The following EDA variants were observed in gnomAD, a reference collection of about 807,000 sequenced individuals.
EDA encodes the protein ectodysplasin A, also known as ectodysplasin-A.
EDA carries 2 observed loss-of-function variants against 23.6 expected under a neutral mutation model. The ratio of observed to expected loss-of-function variants is 0.08; its 90% CI spans 0.03 to 0.27. The LOEUF (loss-of-function observed/expected upper bound fraction) is 0.27. Ranked by LOEUF, EDA falls within the 10% of genes least tolerant of loss-of-function variation. The pLI, the probability that EDA is intolerant of heterozygous loss-of-function variation, is 1.00. For synonymous variants in EDA, 131 were observed against 132.0 expected, an observed-to-expected ratio of 0.99 and a Z score of 0.05; for missense variants, 229 against 324.2, an observed-to-expected ratio of 0.71 and a Z score of 2.26.
intron 2 of EDA, among the ~76,000 whole-genome samples, chrX:70,012,111 G>A (rs917297562): frequency 4.5e-5 from 5 of 111,386 alleles, no homozygotes; most frequent in South Asian, 3.8e-4. Context: ...GCAGTCCCCC[G>A]TACTGCATAG....
intron 1 of EDA, among the ~76,000 whole-genome samples, chrX:69,707,038 A>G (rs1163860336): frequency 9.0e-6 from 1 of 111,664 alleles, no homozygotes; most frequent in African/African-American, 3.3e-5. Context: ...GATAAAGAAC[A>G]GTCAGAATCA....
At chrX:69,992,210 G>GT (rs763815389) in intron 2 of EDA, among the ~76,000 whole-genome samples, 1 of 112,096 alleles carries the variant, frequency 8.9e-6, no homozygotes, top group South Asian at 3.8e-4. Flanking sequence ...TCACCGCCAT[G>GT]TAGTTTCTCA....
intron 1 of EDA, among the ~76,000 whole-genome samples, chrX:69,903,851 C>T (rs2018135245): frequency 1.8e-5 from 2 of 110,418 alleles, no homozygotes; most frequent in Admixed American, 1.9e-4. Flanking sequence ...CGGACTGTTG[C>T]CCAGGCTGGA....
chrX:69,929,844 G>A (rs1457318412), intron 1 of EDA, among the ~76,000 whole-genome samples: 1 of 108,092 alleles, frequency 9.3e-6, no homozygotes, highest in Non-Finnish European at 1.9e-5. Flanking sequence ...ATGGGGAGAC[G>A]GCATTTGGAA....
chrX:69,849,391 G>A (rs766565986), intron 1 of EDA, among the ~76,000 whole-genome samples: 11 of 111,969 alleles, frequency 9.8e-5, no homozygotes, highest in Non-Finnish European at 1.5e-4. Flanking sequence ...CTTTTGTAGT[G>A]TGTTGACTAG....
At chrX:69,743,800 T>A (rs182747497) in intron 1 of EDA, among the ~76,000 whole-genome samples, 130 of 112,181 alleles carry the variant, frequency 1.2e-3, no homozygotes, top group African/African-American at 4.0e-3. Context: ...TGTTTCTATT[T>A]ATAAAGATCT....
At chrX:69,899,865 T>G (rs2018073360) in intron 1 of EDA, among the ~76,000 whole-genome samples, 1 of 111,345 alleles carries the variant, frequency 9.0e-6, no homozygotes, top group Non-Finnish European at 1.9e-5. Context: ...GCCTACTGCT[T>G]TTTTCTGTTA....
In EDA at chrX:69,865,910, G is replaced by A. The variant is rs193201261; in HGVS notation, c.397-91117G>A. Reference sequence around the variant, plus strand: ...CTTACGTCACATGATAAAGGAAAAGGAAATAAGATGAAGATATTTTCTTAG... The same window carrying A: ...CTTACGTCACATGATAAAGGAAAAGAAAATAAGATGAAGATATTTTCTTAG... On this transcript the variant is annotated intron_variant, in intron 1 of 7. Coordinates refer to ENST00000374552, the MANE Select transcript of EDA (RefSeq NM_001399.5). 2.8e-3 allele frequency among the ~76,000 whole-genome samples: 310 copies of A among 112,453 alleles called. 14 individuals are homozygous for A. The South Asian group carries it at 0.095, about 34-fold the overall frequency.
chrX:69,826,348 G>T (rs1306649440), intron 1 of EDA, among the ~76,000 whole-genome samples: 6 of 109,229 alleles, frequency 5.5e-5, no homozygotes, highest in East Asian at 5.8e-4. Flanking sequence ...CTCTTTGTAG[G>T]TCACTCAGGA....
intron 1 of EDA, among the ~76,000 whole-genome samples, chrX:69,677,542 C>T (rs1298243431): frequency 9.0e-6 from 1 of 111,615 alleles, no homozygotes; most frequent in South Asian, 3.7e-4. Flanking sequence ...GAGATGGTAT[C>T]TCGTTGTGGT....
chrX:69,825,615 G>A (rs1459988723), intron 1 of EDA, among the ~76,000 whole-genome samples: 24 of 113,204 alleles, frequency 2.1e-4, no homozygotes, highest in Admixed American at 2.0e-3. Context: ...CTTGCTAGTG[G>A]TCTATCAATT....
At chrX:69,970,682 T>A (rs904967967) in intron 2 of EDA, among the ~76,000 whole-genome samples, 2 of 111,856 alleles carry the variant, frequency 1.8e-5, no homozygotes, top group Admixed American at 9.5e-5. Flanking sequence ...TTCATGGTGA[T>A]TCTTAGTCCT....
chrX:69,900,665 C>T (rs1333999669), intron 1 of EDA, among the ~76,000 whole-genome samples: 1 of 110,151 alleles, frequency 9.1e-6, no homozygotes, highest in East Asian at 2.9e-4. Context: ...ATTCATCAGT[C>T]CTCTATAGTC....
At chrX:69,835,294 A>G (rs956607686) in intron 1 of EDA, among the ~76,000 whole-genome samples, 2 of 111,953 alleles carry the variant, frequency 1.8e-5, no homozygotes, top group Non-Finnish European at 3.8e-5. Flanking sequence ...CCTGGATAAT[A>G]TCCTGCAGAG....
intron 1 of EDA, among the ~76,000 whole-genome samples, chrX:69,619,807 T>C (rs946508177): frequency 8.9e-6 from 1 of 111,997 alleles, no homozygotes; most frequent in African/African-American, 3.2e-5. Context: ...CCGGTTGTGA[T>C]TGTGGTCCTC....
chrX:69,890,648 G>A (rs1319535705), intron 1 of EDA, among the ~76,000 whole-genome samples: 2 of 111,381 alleles, frequency 1.8e-5, no homozygotes, highest in African/African-American at 6.5e-5. Context: ...CAAGCAATGG[G>A]GAAAGGATTC....
At chrX:69,843,149 A>T (rs1429641154) in intron 1 of EDA, among the ~76,000 whole-genome samples, 2 of 112,532 alleles carry the variant, frequency 1.8e-5, no homozygotes, top group Non-Finnish European at 3.7e-5. Context: ...AATAAGGTGC[A>T]GCAATCCTTC....
At chrX:69,830,874 A>G (rs2016592460) in intron 1 of EDA, among the ~76,000 whole-genome samples, 2 of 111,864 alleles carry the variant, frequency 1.8e-5, no homozygotes, top group Non-Finnish European at 1.9e-5. Context: ...ACCCTAGTGT[A>G]ACAAAAGATA....
chrX:69,802,185 A>G (rs1367701130), intron 1 of EDA, among the ~76,000 whole-genome samples: 1 of 110,713 alleles, frequency 9.0e-6, no homozygotes, highest in Non-Finnish European at 1.9e-5. Flanking sequence ...AGGAAAATGA[A>G]TGGACTAGAA....
Sources: gnomAD v4.1 joint callset for allele counts (sites outside exome capture counted in the v4.1 genomes callset) on GRCh38, gnomAD v4.1.1 for gene constraint, MANE v1.5 for transcripts, NCBI Gene and HGNC (gene_info 2026-07-23, HGNC 2026-07-21) for gene names.